CDH13: variants seen among roughly 807,000 people sequenced by gnomAD.
CDH13 encodes the protein cadherin-13.
In CDH13, 24 loss-of-function variants were observed where a neutral mutation model predicts 63.8. The observed-to-expected ratio is 0.38, with a 90% CI of 0.27 to 0.53. CDH13 has a LOEUF of 0.53. Among genes scored for constraint, CDH13 ranks in the 20% least tolerant of loss-of-function variants. The probability of loss-of-function intolerance (pLI) is 0.85; values close to 1 mark genes in which losing one functional copy is unlikely to be tolerated. For synonymous variants in CDH13, 503 were observed against 355.3 expected (o/e 1.42, Z -4.67); for missense variants, 1,049 against 903.1 (o/e 1.16, Z -2.07).
intron 10 of CDH13, among the ~76,000 whole-genome samples, chr16:83,695,314 C>T (rs1905269233): frequency 6.6e-6 from 1 of 152,268 alleles, no homozygotes; most frequent in Non-Finnish European, 1.5e-5. Context: ...ACATATGACT[C>T]AGCATGGCGC....
At chr16:83,384,567 G>A (rs1488202340) in intron 6 of CDH13, among the ~76,000 whole-genome samples, 2 of 152,228 alleles carry the variant, frequency 1.3e-5, no homozygotes, top group African/African-American at 2.4e-5. Flanking sequence ...GTGGGAACAC[G>A]AGCAGAAGGA....
At chr16:83,290,843 G>C (rs2089449265) in intron 5 of CDH13, among the ~76,000 whole-genome samples, 1 of 151,982 alleles carries the variant, frequency 6.6e-6, no homozygotes, top group African/African-American at 2.4e-5. Context: ...CTTTCACCTT[G>C]CTTTTCCTGA....
At chr16:83,565,770 T>C (rs1467040596) in intron 7 of CDH13, among the ~76,000 whole-genome samples, 1 of 152,216 alleles carries the variant, frequency 6.6e-6, no homozygotes, top group Non-Finnish European at 1.5e-5. Flanking sequence ...AAGTTATTCT[T>C]TTGTGATAAC....
At chr16:83,265,172 C>G (rs967697729) in intron 5 of CDH13, among the ~76,000 whole-genome samples, 1 of 152,166 alleles carries the variant, frequency 6.6e-6, no homozygotes, top group Non-Finnish European at 1.5e-5. Context: ...TTGGAATTCT[C>G]TGTATTTCTG....
At chr16:82,757,427 A>C (rs898319169) in intron 1 of CDH13, among the ~76,000 whole-genome samples, 2 of 152,214 alleles carry the variant, frequency 1.3e-5, no homozygotes, top group Non-Finnish European at 2.9e-5. Flanking sequence ...CAGCTCTCAC[A>C]TGCCTGGGAG....
chr16:83,002,938 C>T (rs1913090198), intron 2 of CDH13, among the ~76,000 whole-genome samples: 1 of 152,174 alleles, frequency 6.6e-6, no homozygotes, highest in Non-Finnish European at 1.5e-5. Flanking sequence ...ATCTATTGAG[C>T]ATGTACCAAA....
chr16:83,628,008 G>A (rs1246703520), intron 8 of CDH13, among the ~76,000 whole-genome samples: 2 of 152,144 alleles, frequency 1.3e-5, no homozygotes, highest in Admixed American at 6.5e-5. Context: ...CTGTCATAGC[G>A]CTGGTGGGAG....
intron 1 of CDH13, among the ~76,000 whole-genome samples, chr16:82,813,460 A>G (rs920749070): frequency 6.6e-6 from 1 of 152,162 alleles, no homozygotes; most frequent in Non-Finnish European, 1.5e-5. Context: ...TCTTCTGTGC[A>G]TCAAAGGGCT....
At chr16:83,014,087 A>C (rs1238312560) in intron 2 of CDH13, among the ~76,000 whole-genome samples, 1 of 146,254 alleles carries the variant, frequency 6.8e-6, no homozygotes, top group Non-Finnish European at 1.5e-5. Context: ...AGCAAAAAGA[A>C]CAAGTAATGA....
intron 2 of CDH13, among the ~76,000 whole-genome samples, chr16:82,874,085 G>A (rs1454711452): frequency 6.6e-6 from 1 of 151,976 alleles, no homozygotes; most frequent in African/African-American, 2.4e-5. Context: ...TCTACGAGCG[G>A]GGTCTCGGGC....
chr16:82,712,866 C>G (rs2032058970), intron 1 of CDH13, among the ~76,000 whole-genome samples: 1 of 152,140 alleles, frequency 6.6e-6, no homozygotes, highest in Non-Finnish European at 1.5e-5. Context: ...TAACTCTCCG[C>G]TCTCTGGGGG....
intron 6 of CDH13, among the ~76,000 whole-genome samples, chr16:83,405,124 C>T (rs1340749039): frequency 1.4e-5 from 2 of 146,858 alleles, no homozygotes; most frequent in African/African-American, 2.5e-5. Context: ...GTCCCAATCC[C>T]TCTAGCTCTC....
intron 3 of CDH13, among the ~76,000 whole-genome samples, chr16:83,060,277 A>G (rs977299730): frequency 1.3e-5 from 2 of 152,206 alleles, no homozygotes; most frequent in Non-Finnish European, 2.9e-5. Context: ...AATATAGGTC[A>G]TTTGTCCCAG....
At chr16:83,403,866 A>G (rs1311752714) in intron 6 of CDH13, among the ~76,000 whole-genome samples, 1 of 152,184 alleles carries the variant, frequency 6.6e-6, no homozygotes, top group Non-Finnish European at 1.5e-5. Context: ...AAATAAAAGG[A>G]AGGTGATTTA....
intron 1 of CDH13, 95 bp downstream of exon 1, chr16:82,627,232 G>C (rs1465486145): frequency 7.3e-6 from 8 of 1,094,658 alleles, no homozygotes; most frequent in Non-Finnish European, 1.1e-5. Flanking sequence ...GGGGGGTCGG[G>C]GCCTCCGGTC....
At chr16:83,372,447 A>G (rs2091385072) in intron 6 of CDH13, among the ~76,000 whole-genome samples, 1 of 152,066 alleles carries the variant, frequency 6.6e-6, no homozygotes. Flanking sequence ...TTCATGGGCC[A>G]GGTCTACTCT....
intron 6 of CDH13, among the ~76,000 whole-genome samples, chr16:83,473,672 G>C (rs1028210041): frequency 6.6e-6 from 1 of 152,208 alleles, no homozygotes; most frequent in Admixed American, 6.5e-5. Context: ...TAGCCACTCT[G>C]TAGGGAGAAT....
chr16:83,310,306 C>T (rs146019177), intron 5 of CDH13, among the ~76,000 whole-genome samples: 2 of 152,210 alleles, frequency 1.3e-5, no homozygotes, highest in East Asian at 3.9e-4. Flanking sequence ...GGAGTAATTG[C>T]ATTTTTGATA....
intron 5 of CDH13, among the ~76,000 whole-genome samples, chr16:83,244,638 T>C (rs1413221653): frequency 6.6e-6 from 1 of 152,072 alleles, no homozygotes; most frequent in African/African-American, 2.4e-5. Context: ...ACTCATGGAC[T>C]CTACATCTAG....
Sources: gnomAD v4.1 joint callset for allele counts (sites outside exome capture counted in the v4.1 genomes callset) on GRCh38, gnomAD v4.1.1 for gene constraint, MANE v1.5 for transcripts, NCBI Gene and HGNC (gene_info 2026-07-23, HGNC 2026-07-21) for gene names.